The following GRIN2B variants were observed in gnomAD, a reference collection of about 807,000 sequenced individuals.
The protein encoded by GRIN2B is glutamate ionotropic receptor NMDA type subunit 2B.
In GRIN2B, 5 loss-of-function variants were observed where a neutral mutation model predicts 114.5. That is an observed-to-expected ratio of 0.04 (90% CI 0.02 to 0.09). The LOEUF is 0.09. GRIN2B is among the 10% of genes least tolerant of loss of function. The probability of loss-of-function intolerance (pLI) is 1.00; values close to 1 mark genes in which losing one functional copy is unlikely to be tolerated. For synonymous variants in GRIN2B, 787 were observed against 745.1 expected, an observed-to-expected ratio of 1.06 and a Z score of -0.92; for missense variants, 1,108 against 1,943.5, an observed-to-expected ratio of 0.57 and a Z score of 8.08.
intron 10 of GRIN2B, among the ~76,000 whole-genome samples, chr12:13,592,894 G>T (rs1270707791): frequency 6.6e-6 from 1 of 152,038 alleles, no homozygotes; most frequent in East Asian, 1.9e-4. Flanking sequence ...AATTGTTTTT[G>T]TTGTTTATAT....
intron 4 of GRIN2B, among the ~76,000 whole-genome samples, chr12:13,689,873 A>G (rs186343863): frequency 1.6e-4 from 24 of 152,262 alleles, no homozygotes; most frequent in Non-Finnish European, 5.9e-5. Context: ...TCAATTGAGC[A>G]TAATCCAACT....
chr12:13,555,008 G>A lies in GRIN2B; in HGVS notation c.*7775C>T, dbSNP rs1170491865. 3 of 152,112 alleles carry A rather than the reference G, an allele frequency of 2.0e-5. No individual in the cohort carries two copies. The highest frequency in any genetic ancestry group is 4.8e-5 in the African/African-American group (2 of 41,418). The allele number at this position is 152,112 out of a possible 1,614,324, so 9.4% of individuals were successfully genotyped here. On this transcript the variant is annotated 3_prime_UTR_variant, in exon 14 of 14. Coordinates refer to ENST00000609686, the MANE Select transcript of GRIN2B (RefSeq NM_000834.5). Reference sequence around the variant, plus strand: ...TATGAAGGAAAAGCAAAAGGTAGGGGCTAAAAGTGAAGATTTGGGATTCAT... The same window carrying A: ...TATGAAGGAAAAGCAAAAGGTAGGGACTAAAAGTGAAGATTTGGGATTCAT...
intron 5 of GRIN2B, among the ~76,000 whole-genome samples, chr12:13,639,602 C>A (rs1054800432): frequency 1.3e-5 from 2 of 152,078 alleles, no homozygotes; most frequent in South Asian, 4.2e-4. Context: ...CAGTTCTCAA[C>A]AGGACCCAGT....
chr12:13,751,867 A>T (rs751510334), intron 4 of GRIN2B, among the ~76,000 whole-genome samples: 1 of 152,210 alleles, frequency 6.6e-6, no homozygotes, highest in African/African-American at 2.4e-5. Flanking sequence ...GCCCATATTT[A>T]AGGGATGCAT....
chr12:13,895,237 G>A (rs1033429052), intron 2 of GRIN2B, among the ~76,000 whole-genome samples: 3 of 152,122 alleles, frequency 2.0e-5, no homozygotes, highest in Non-Finnish European at 4.4e-5. Flanking sequence ...TGGCAAAGCC[G>A]GTCTGAGAGG....
chr12:13,803,921 C>T (rs866578943), intron 3 of GRIN2B, among the ~76,000 whole-genome samples: 1 of 152,188 alleles, frequency 6.6e-6, no homozygotes, highest in Non-Finnish European at 1.5e-5. Context: ...CCCAACCAGC[C>T]ATTTTATGCC....
intron 10 of GRIN2B, among the ~76,000 whole-genome samples, chr12:13,589,657 T>A (rs978412688): frequency 6.6e-6 from 1 of 152,252 alleles, no homozygotes; most frequent in East Asian, 1.9e-4. Context: ...GAAACTGACT[T>A]GTATCCCTCA....
At chr12:13,927,983 G>GC (rs1212381862) in intron 2 of GRIN2B, among the ~76,000 whole-genome samples, 1 of 22,770 alleles carries the variant, frequency 4.4e-5, no homozygotes, top group Admixed American at 4.6e-4. Flanking sequence ...AAAAAAAAAA[G>GC]GGGGGGTATG....
chr12:13,604,781 T>A (rs1949214459), intron 10 of GRIN2B, among the ~76,000 whole-genome samples: 2 of 151,660 alleles, frequency 1.3e-5, no homozygotes, highest in Admixed American at 1.3e-4. Flanking sequence ...TTCAGGAAAC[T>A]CTCTTTCTGA....
chr12:13,953,557 G>A (rs1317018924), intron 2 of GRIN2B, among the ~76,000 whole-genome samples: 1 of 152,174 alleles, frequency 6.6e-6, no homozygotes, highest in Non-Finnish European at 1.5e-5. Flanking sequence ...AATAGATTCT[G>A]GCTAGGATTT....
intron 4 of GRIN2B, among the ~76,000 whole-genome samples, chr12:13,686,118 G>C (rs1462300518): frequency 1.3e-5 from 2 of 152,118 alleles, no homozygotes; most frequent in African/African-American, 4.8e-5. Flanking sequence ...TATTTCTAGA[G>C]TTTCTTTAAG....
intron 2 of GRIN2B, among the ~76,000 whole-genome samples, chr12:13,867,515 T>C (rs1865846550): frequency 6.6e-6 from 1 of 152,312 alleles, no homozygotes; most frequent in South Asian, 2.1e-4. Flanking sequence ...AATATATCCA[T>C]GTAACAAAAG....
At chr12:13,842,396 T>C (rs1865393861) in intron 3 of GRIN2B, among the ~76,000 whole-genome samples, 2 of 152,216 alleles carry the variant, frequency 1.3e-5, no homozygotes, top group South Asian at 4.1e-4. Context: ...CACCCGGCTT[T>C]TGTAGCTCAC....
intron 5 of GRIN2B, among the ~76,000 whole-genome samples, chr12:13,665,143 G>A (rs1949960970): frequency 1.0e-5 from 1 of 99,598 alleles, no homozygotes; most frequent in African/African-American, 3.7e-5. Flanking sequence ...GGGTGTGTGT[G>A]TGTTTGTGTG....
intron 2 of GRIN2B, among the ~76,000 whole-genome samples, chr12:13,879,573 T>C (rs1866040002): frequency 6.6e-6 from 1 of 151,662 alleles, no homozygotes; most frequent in Non-Finnish European, 1.5e-5. Context: ...ACAGTAATAA[T>C]ATAGTTGCAA....
intron 3 of GRIN2B, among the ~76,000 whole-genome samples, chr12:13,857,881 T>C (rs1047844087): frequency 2.0e-5 from 3 of 152,140 alleles, no homozygotes; most frequent in African/African-American, 7.2e-5. Context: ...TCTTCCTTCG[T>C]TAAGTATGAG....
At chr12:13,585,548 C>T (rs970195630) in intron 10 of GRIN2B, among the ~76,000 whole-genome samples, 1 of 152,186 alleles carries the variant, frequency 6.6e-6, no homozygotes, top group Non-Finnish European at 1.5e-5. Flanking sequence ...ACACTGCATG[C>T]CCCTCGGGGT....
chr12:13,732,758 A>G (rs556378269), intron 4 of GRIN2B, among the ~76,000 whole-genome samples: 6 of 152,370 alleles, frequency 3.9e-5, no homozygotes, highest in African/African-American at 1.4e-4. Context: ...TGTTGAAAAT[A>G]TAAAGAATCT....
At chr12:13,696,753 T>A (rs753220913) in intron 4 of GRIN2B, among the ~76,000 whole-genome samples, 2 of 152,150 alleles carry the variant, frequency 1.3e-5, no homozygotes, top group African/African-American at 4.8e-5. Flanking sequence ...TCCTCTTTCA[T>A]CCTGTTTTCC....
Sources: gnomAD v4.1 joint callset for allele counts (sites outside exome capture counted in the v4.1 genomes callset) on GRCh38, gnomAD v4.1.1 for gene constraint, MANE v1.5 for transcripts, NCBI Gene and HGNC (gene_info 2026-07-23, HGNC 2026-07-21) for gene names.